The following GPA33 variants were observed in gnomAD, a reference collection of about 807,000 sequenced individuals.
GPA33 encodes cell surface A33 antigen.
In GPA33, 27 loss-of-function variants were observed where a neutral mutation model predicts 35.6. That is an observed-to-expected ratio of 0.76 (90% confidence interval 0.56 to 1.04). The LOEUF is 1.04. Ranked by LOEUF, GPA33 falls within the 50% of genes least tolerant of loss-of-function variation. GPA33 has a pLI of 0.00. For synonymous variants in GPA33, 176 were observed against 164.0 expected, an observed-to-expected ratio of 1.07 and a Z score of -0.56; for missense variants, 428 against 411.9, an observed-to-expected ratio of 1.04 and a Z score of -0.34.
rs57948383 is a variant in GPA33 at position 167,067,275 on chromosome 1, A to AATTTATTTATTT, written c.415+1635_415+1646dup. ...CCCAACTCAAGAGATCCTCCACCTC[A>AATTTATTTATTT]ATTTATTTATTTATTTATTTATTTA... On this transcript the variant is annotated intron_variant, in intron 3 of 6. Coordinates refer to ENST00000367868, the MANE Select transcript of GPA33 (RefSeq NM_005814.3). 8.6e-3 allele frequency among the ~76,000 whole-genome samples: 1,264 copies of AATTTATTTATTT among 146,798 alleles called. 21 individuals are homozygous for AATTTATTTATTT. Among genetic ancestry groups the AATTTATTTATTT allele is most frequent in the African/African-American group, 0.025 (1,017 of 40,048 alleles).
At position 167,054,988 on chromosome 1, in the gene GPA33, T is replaced by A; in HGVS notation, c.815A>T (p.Glu272Val). 6.2e-7 allele frequency: 1 copy of A among 1,614,072 alleles called. No homozygotes were observed. The highest frequency in any genetic ancestry group is 1.6e-4 in the Middle Eastern group (1 of 6,062). Residue 272 changes from glutamate to valine, a missense_variant, in exon 6 of 7, where the codon GAG becomes GTG. Glu to Val is a moderately radical substitution (Grantham distance 121). Transcript: ENST00000367868. ...CCCAGACACTCACGGCCTTGCATCC[T>A]CCTTGTCTTCAGTGTTGTCGTCCTT... ...RGKDDNTEDK[E>V]DARPNREAYE...
At chr1:167,079,968 A>G (rs964840143) in intron 1 of GPA33, among the ~76,000 whole-genome samples, 1 of 152,216 alleles carries the variant, frequency 6.6e-6, no homozygotes, top group Non-Finnish European at 1.5e-5. Context: ...AGCACCAGGT[A>G]GGACATCTAA....
chr1:167,056,618 T>G, intron 4 of GPA33, among the ~76,000 whole-genome samples: 2 of 139,346 alleles, frequency 1.4e-5, no homozygotes, highest in African/African-American at 2.6e-5. Flanking sequence ...GTAGTGTGTG[T>G]GGTGAGTGTG....
In GPA33 at chr1:167,055,126, A is replaced by G. The variant is rs375793730; in HGVS notation, c.692-15T>C. 3 of 1,611,300 alleles carry G rather than the reference A, an allele frequency of 1.9e-6. No homozygotes were observed. The highest frequency in any genetic ancestry group is 1.7e-6 in the Non-Finnish European group (2 of 1,179,696). ...GTTCATGGAGGCTGCAAGAGGACAG[A>G]GCAGCTGCACTTGCCGAGCTTCTAA... On this transcript the variant is annotated splice_polypyrimidine_tract_variant and intron_variant, in intron 5 of 6. Transcript: ENST00000367868.
At chr1:167,072,359 TTTTTCGC>T (rs1231367586) in intron 2 of GPA33, among the ~76,000 whole-genome samples, 3 of 152,210 alleles carry the variant, frequency 2.0e-5, no homozygotes, top group Admixed American at 6.5e-5. Context: ...AATGAGATGT[TTTTTCGC>T]TTATCAGACT....
intron 2 of GPA33, 79 bp from the exon 3 acceptor site, chr1:167,069,217 A>C: frequency 5.4e-6 from 5 of 921,930 alleles, no homozygotes; most frequent in Non-Finnish European, 8.5e-6. Context: ...GACTACCCTC[A>C]TCCCCCAGTT....
intron 4 of GPA33, among the ~76,000 whole-genome samples, chr1:167,062,143 C>T (rs1029331156): frequency 1.3e-5 from 2 of 151,642 alleles, no homozygotes; most frequent in Non-Finnish European, 2.9e-5. Context: ...ACCTTTCAGG[C>T]CTTGTCTTTC....
chr1:167,069,642 G>A (rs1026775243), intron 2 of GPA33, among the ~76,000 whole-genome samples: 1 of 152,200 alleles, frequency 6.6e-6, no homozygotes. Context: ...ATTGTATGTG[G>A]TAATGGCTAA....
At chr1:167,060,831 C>T (rs968596288) in intron 4 of GPA33, among the ~76,000 whole-genome samples, 1 of 152,106 alleles carries the variant, frequency 6.6e-6, no homozygotes, top group African/African-American at 2.4e-5. Context: ...TGTTTCTTAA[C>T]AAGAGTATCT....
intron 1 of GPA33, among the ~76,000 whole-genome samples, 170 bp from the exon 2 acceptor site, chr1:167,073,709 C>A (rs572888461): frequency 2.6e-5 from 4 of 152,204 alleles, no homozygotes; most frequent in African/African-American, 9.6e-5. Flanking sequence ...TCCTCCAAGA[C>A]TGCGATGAGG....
chr1:167,054,927 T>C lies in GPA33; in HGVS notation c.827+49A>G, dbSNP rs761718786. 8.7e-6 allele frequency: 14 copies of C among 1,602,270 alleles called. No individual in the cohort carries two copies. The South Asian group carries it at 1.4e-4, about 16-fold the overall frequency. On this transcript the variant is annotated intron_variant, in intron 6 of 6. Transcript: ENST00000367868. ...GGCTGTGAGGAATTGGGAAGCATATTTCCAGTCTCCCCAGACCCTTCCAAC... is the reference window on the plus strand; with the variant it reads ...GGCTGTGAGGAATTGGGAAGCATATCTCCAGTCTCCCCAGACCCTTCCAAC...
At chr1:167,058,950 C>CT (rs1342209767) in intron 4 of GPA33, among the ~76,000 whole-genome samples, 1 of 152,156 alleles carries the variant, frequency 6.6e-6, no homozygotes, top group Non-Finnish European at 1.5e-5. Flanking sequence ...CTCTATGGCC[C>CT]TGGGCATACT....
At chr1:167,056,840 AGTGTGTAATGTGTGTGGTGTGTGTGTG>A (rs1666309289) in intron 4 of GPA33, among the ~76,000 whole-genome samples, 4 of 6,080 alleles carry the variant, frequency 6.6e-4, no homozygotes, top group Non-Finnish European at 9.8e-4. Flanking sequence ...GTGTGTGGTG[AGTGTGTAATGTGTGTGGTGTGTGTGTG>A]GTGTGTGGTG....
chr1:167,083,305 G>A (rs1666989179), intron 1 of GPA33, among the ~76,000 whole-genome samples: 1 of 152,220 alleles, frequency 6.6e-6, no homozygotes, highest in South Asian at 2.1e-4. Context: ...TTTGAGAGAA[G>A]CAAGTGAGAT....
chr1:167,086,331 A>G (rs533364150), intron 1 of GPA33, among the ~76,000 whole-genome samples: 38 of 152,340 alleles, frequency 2.5e-4, no homozygotes, highest in Admixed American at 9.1e-4. Context: ...TTGCAGTTGC[A>G]TTTGCGGGCT....
intron 1 of GPA33, among the ~76,000 whole-genome samples, chr1:167,089,136 G>C (rs1332050845): frequency 6.6e-6 from 1 of 152,300 alleles, no homozygotes; most frequent in East Asian, 1.9e-4. Flanking sequence ...CCTCCAAACC[G>C]TGTGATCCAG....
At chr1:167,055,233 G>C in intron 5 of GPA33, 122 bp from the exon 6 acceptor site, 2 of 908,528 alleles carry the variant, frequency 2.2e-6, no homozygotes, top group East Asian at 5.2e-5. Flanking sequence ...TGGTCTTGGA[G>C]GAATGTGACC....
At chr1:167,061,166 C>G (rs1666430821) in intron 4 of GPA33, among the ~76,000 whole-genome samples, 1 of 152,226 alleles carries the variant, frequency 6.6e-6, no homozygotes, top group Non-Finnish European at 1.5e-5. Flanking sequence ...AGGAGTCAAG[C>G]CCATGGCATG....
rs1666165016 is a variant in GPA33, at chr1:167,053,718, A to G, written c.*616T>C. On this transcript the variant is annotated 3_prime_UTR_variant, in exon 7 of 7. Transcript: ENST00000367868. ...AGGCAGAGATGGAAAGTGTGTGGGC[A>G]AAAGCTCCCCAGGGCCTGTGCAGCA... The G allele has an allele frequency of 6.5e-6, 1 of 153,132 alleles. No individual in the cohort carries two copies. The highest frequency in any genetic ancestry group is 6.5e-5 in the Admixed American group (1 of 15,378). 9.5% of individuals were successfully genotyped at this position (153,132 alleles called of 1,614,324 possible).
Sources: gnomAD v4.1 joint callset for allele counts (sites outside exome capture counted in the v4.1 genomes callset) on GRCh38, gnomAD v4.1.1 for gene constraint, MANE v1.5 for transcripts, NCBI Gene and HGNC (gene_info 2026-07-23, HGNC 2026-07-21) for gene names.